Variants in TAOK3 observed in about 807,000 individuals in gnomAD.
TAOK3 encodes serine/threonine-protein kinase TAO3.
A neutral mutation model predicts 120.4 loss-of-function variants in TAOK3; 40 were observed. The ratio of observed to expected loss-of-function variants is 0.33; its 90% CI spans 0.26 to 0.43. The LOEUF (loss-of-function observed/expected upper bound fraction) is 0.43. Among genes scored for constraint, TAOK3 ranks in the 20% least tolerant of loss-of-function variants. The pLI is 1.00. For synonymous variants in TAOK3, 355 were observed against 387.5 expected, an observed-to-expected ratio of 0.92 and a Z score of 0.99; for missense variants, 821 against 1,112.1, an observed-to-expected ratio of 0.74 and a Z score of 3.72.
intron 3 of TAOK3, among the ~76,000 whole-genome samples, chr12:118,251,716 C>T (rs1004066866): frequency 4.6e-5 from 7 of 152,166 alleles, no homozygotes; most frequent in African/African-American, 1.4e-4. Flanking sequence ...CCTAGTACAA[C>T]GTAGGTCTCA....
chr12:118,370,796 C>A (rs964002754), intron 1 of TAOK3, among the ~76,000 whole-genome samples: 2 of 152,170 alleles, frequency 1.3e-5, no homozygotes, highest in Non-Finnish European at 2.9e-5. Flanking sequence ...ACTCCCACCC[C>A]CTATTGCTTC....
intron 11 of TAOK3, among the ~76,000 whole-genome samples, chr12:118,208,942 C>G (rs566085631): frequency 1.2e-4 from 18 of 152,194 alleles, no homozygotes; most frequent in African/African-American, 4.3e-4. Flanking sequence ...GAACTCCTGA[C>G]CTTGTGATCT....
chr12:118,223,050 T>TTTTCTTTC (rs200467183), intron 9 of TAOK3, among the ~76,000 whole-genome samples: 6 of 129,396 alleles, frequency 4.6e-5, no homozygotes, highest in South Asian at 2.5e-4. Flanking sequence ...ATAAGGGTTC[T>TTTTCTTTC]TTTCTTTCTT....
chr12:118,204,895 T>C (rs1006854357), intron 11 of TAOK3, among the ~76,000 whole-genome samples: 1 of 151,980 alleles, frequency 6.6e-6, no homozygotes, highest in Non-Finnish European at 1.5e-5. Flanking sequence ...GGACCGGGCA[T>C]GGTGGCTCAC....
intron 1 of TAOK3, among the ~76,000 whole-genome samples, chr12:118,292,913 G>T (rs1158567229): frequency 6.6e-6 from 1 of 152,198 alleles, no homozygotes. Context: ...GACTTTTGGG[G>T]ATGCCTTTAT....
intron 1 of TAOK3, among the ~76,000 whole-genome samples, chr12:118,351,040 G>A (rs1039405802): frequency 4.6e-5 from 7 of 150,874 alleles, no homozygotes; most frequent in Non-Finnish European, 8.9e-5. Flanking sequence ...TTGGCCAGGC[G>A]TGGTGGTGCA....
At chr12:118,246,096 G>A (rs1218514641) in intron 3 of TAOK3, 19 of 1,204,356 alleles carry the variant, frequency 1.6e-5, no homozygotes, top group Non-Finnish European at 1.9e-5. Context: ...GGCGGATGAC[G>A]CCGGTGCAGC....
intron 13 of TAOK3, among the ~76,000 whole-genome samples, chr12:118,194,950 T>C (rs2037634765): frequency 6.6e-6 from 1 of 152,150 alleles, no homozygotes; most frequent in African/African-American, 2.4e-5. Flanking sequence ...ATTTTCACCA[T>C]ATTGGCCAGG....
In TAOK3 at chr12:118,181,377, T is replaced by G; in HGVS notation, c.1560A>C (p.Glu520Asp). The change falls in exon 15 of 21, where the codon GAA (glutamate) becomes GAC (aspartate). Residue 520 changes from glutamate (E) to aspartate (D), a missense_variant. Physicochemically the swap from Glu to Asp is conservative, Grantham distance 45. Around this residue, in one of 2 missense-constraint regions of TAOK3, gnomAD observed 354 missense variants for 572.1 expected, o/e 0.62. Coordinates refer to ENST00000392533, the MANE Select transcript of TAOK3 (RefSeq NM_016281.4). ...CGTGTGTGCACATACTGACCTCCTT[T>G]TCTATGATAGCCACTTGCTTCTTGG... ...KLAKKQVAIIEKEAKVAAADE... is the reference protein window; with the variant it reads ...KLAKKQVAIIDKEAKVAAADE... The G allele has an allele frequency of 1.2e-6, 2 of 1,613,626 alleles. No individual in the cohort carries two copies. The highest frequency in any genetic ancestry group is 1.7e-6 in the Non-Finnish European group (2 of 1,179,702).
At chr12:118,315,207 G>A (rs577455235) in intron 1 of TAOK3, among the ~76,000 whole-genome samples, 1 of 152,286 alleles carries the variant, frequency 6.6e-6, no homozygotes, top group East Asian at 1.9e-4. Context: ...TTACAGGCGT[G>A]AGCCACCACA....
At chr12:118,329,888 C>T (rs1287768831) in intron 1 of TAOK3, among the ~76,000 whole-genome samples, 1 of 152,030 alleles carries the variant, frequency 6.6e-6, no homozygotes, top group African/African-American at 2.4e-5. Context: ...CTGGTATAAC[C>T]AAAAACATAA....
At chr12:118,335,986 T>C (rs2044352307) in intron 1 of TAOK3, among the ~76,000 whole-genome samples, 1 of 152,172 alleles carries the variant, frequency 6.6e-6, no homozygotes, top group African/African-American at 2.4e-5. Flanking sequence ...TATTCACAGA[T>C]TGAAAGACTC....
At chr12:118,370,768 G>A (rs1442058989) in intron 1 of TAOK3, among the ~76,000 whole-genome samples, 1 of 152,150 alleles carries the variant, frequency 6.6e-6, no homozygotes, top group South Asian at 2.1e-4. Context: ...ATCCCTCAGA[G>A]TAGGAGGCTG....
chr12:118,339,571 CT>C lies in TAOK3; in HGVS notation c.-194+33076del, dbSNP rs879348420. ...ATATTTATTAAGCATTTTAGTTGCT[CT>C]TTTTTTTTTTCGAGACGGGGTCTTA... On this transcript the variant is annotated intron_variant, in intron 1 of 20. Transcript: ENST00000392533. Among the ~76,000 whole-genome samples, 789 of 138,522 alleles carry C rather than the reference CT, an allele frequency of 5.7e-3. 2 individuals are homozygous for C. Among genetic ancestry groups the C allele is most frequent in the Admixed American group, 8.4e-3 (115 of 13,726 alleles). 90.9% of individuals were successfully genotyped at this position (138,522 alleles called of 152,430 possible).
At chr12:118,201,910 A>G (rs1455209205) in intron 11 of TAOK3, among the ~76,000 whole-genome samples, 1 of 152,014 alleles carries the variant, frequency 6.6e-6, no homozygotes, top group Non-Finnish European at 1.5e-5. Flanking sequence ...GGATCTCTAC[A>G]CTTATTTATC....
chr12:118,329,122 G>A (rs1157994158), intron 1 of TAOK3, among the ~76,000 whole-genome samples: 1 of 152,142 alleles, frequency 6.6e-6, no homozygotes, highest in Non-Finnish European at 1.5e-5. Flanking sequence ...AAAGATATTT[G>A]AGGAAGGGGG....
intron 1 of TAOK3, among the ~76,000 whole-genome samples, chr12:118,269,062 T>C (rs1176885710): frequency 6.7e-6 from 1 of 149,224 alleles, no homozygotes; most frequent in Non-Finnish European, 1.5e-5. Context: ...AGAAAGAGAG[T>C]TTCAAATAAG....
intron 2 of TAOK3, among the ~76,000 whole-genome samples, chr12:118,265,404 A>G (rs2140260205): frequency 6.6e-6 from 1 of 151,780 alleles, no homozygotes; most frequent in Non-Finnish European, 1.5e-5. Context: ...GAAAAAAAAA[A>G]AAAAAAAAAA....
intron 13 of TAOK3, chr12:118,198,523 A>T (rs2037859409): frequency 6.3e-6 from 1 of 158,322 alleles, no homozygotes; most frequent in South Asian, 1.8e-4. Context: ...AGTAGCTGGG[A>T]TTACAGGCAT....
Sources: allele counts gnomAD v4.1 joint callset (sites outside exome capture counted in the v4.1 genomes callset), GRCh38; gene constraint gnomAD v4.1.1; regional missense constraint gnomAD v4.1.1; transcripts MANE v1.5; gene names NCBI Gene and HGNC (gene_info 2026-07-23, HGNC 2026-07-21).